GSE1: variants seen among roughly 807,000 people sequenced by gnomAD.
GSE1 encodes the protein Gse1 coiled-coil protein, also known as genetic suppressor element 1.
In GSE1, 32 loss-of-function variants were observed where a neutral mutation model predicts 112.6. The observed-to-expected ratio is 0.28, with a 90% CI of 0.21 to 0.38. The LOEUF (loss-of-function observed/expected upper bound fraction) is 0.38. GSE1 is among the 10% of genes least tolerant of loss of function. GSE1 has a pLI of 1.00. For missense variants in GSE1, 2,348 were observed against 1,699.2 expected, an observed-to-expected ratio of 1.38 and a Z score of -6.71; for synonymous variants, 1,115 against 735.6, an observed-to-expected ratio of 1.52 and a Z score of -8.35.
At chr16:85,190,511 T>C (rs12930125) in intron 1 of GSE1, among the ~76,000 whole-genome samples, 12,297 of 152,354 alleles carry the variant, frequency 0.081, 680 homozygotes, top group Non-Finnish European at 0.12. Context: ...CACTTGTCTT[T>C]GTATTTTTAA....
At chr16:85,382,997 A>G (rs900979488) in intron 2 of GSE1, among the ~76,000 whole-genome samples, 10 of 150,804 alleles carry the variant, frequency 6.6e-5, no homozygotes, top group African/African-American at 2.0e-4. Flanking sequence ...ATGTGCACAT[A>G]CAACACATGC....
upstream of GSE1, among the ~76,000 whole-genome samples, chr16:85,610,910 C>T (rs1213337509): frequency 6.6e-6 from 1 of 152,228 alleles, no homozygotes; most frequent in Non-Finnish European, 1.5e-5. Context: ...AGGGATTGGC[C>T]GGCTCTAAAA....
At chr16:85,490,703 C>G (rs1292612938) in intron 2 of GSE1, 1 of 152,252 alleles carries the variant, frequency 6.6e-6, no homozygotes, top group African/African-American at 2.4e-5. Context: ...GACTCCAGCC[C>G]TGGCTCGGAG....
intron 1 of GSE1, among the ~76,000 whole-genome samples, chr16:85,252,175 C>T (rs1906556965): frequency 7.0e-6 from 1 of 142,768 alleles, no homozygotes; most frequent in South Asian, 2.1e-4. Flanking sequence ...ACATCCGCTG[C>T]CTGGGAATCT....
intron 2 of GSE1, among the ~76,000 whole-genome samples, chr16:85,423,012 C>A (rs2048886322): frequency 6.6e-6 from 1 of 152,218 alleles, no homozygotes; most frequent in Non-Finnish European, 1.5e-5. Flanking sequence ...CCACTACTCC[C>A]AGCCCCTGGT....
intron 2 of GSE1, among the ~76,000 whole-genome samples, chr16:85,639,703 G>C (rs547015200): frequency 8.5e-5 from 13 of 152,360 alleles, no homozygotes; most frequent in Middle Eastern, 3.4e-3. Flanking sequence ...GACAGCTGTC[G>C]GGCCTGCCCA....
intron 1 of GSE1, among the ~76,000 whole-genome samples, chr16:85,319,937 C>T (rs905079148): frequency 6.6e-6 from 1 of 152,216 alleles, no homozygotes; most frequent in Admixed American, 6.5e-5. Flanking sequence ...GGTAAGCTTT[C>T]CCTGGGTCCC....
intron 2 of GSE1, among the ~76,000 whole-genome samples, chr16:85,474,883 T>A (rs1457661982): frequency 1.3e-5 from 2 of 152,052 alleles, no homozygotes; most frequent in Non-Finnish European, 2.9e-5. Flanking sequence ...CCTTATCTTC[T>A]CTAATTTATT....
chr16:85,180,269 C>T (rs1425389626), intron 1 of GSE1, among the ~76,000 whole-genome samples: 9 of 152,226 alleles, frequency 5.9e-5, no homozygotes, highest in Admixed American at 3.9e-4. Flanking sequence ...AGCCAGGGCC[C>T]GGGGCAGGTG....
intron 11 of GSE1, 26 bp downstream of exon 11, chr16:85,663,640 TG>T: frequency 6.3e-7 from 1 of 1,594,808 alleles, no homozygotes; most frequent in Non-Finnish European, 8.5e-7. Flanking sequence ...GGTAGGAAGG[TG>T]GGGGCTCACT....
intron 1 of GSE1, among the ~76,000 whole-genome samples, chr16:85,223,430 G>A (rs1456956930): frequency 6.6e-6 from 1 of 151,268 alleles, no homozygotes; most frequent in Non-Finnish European, 1.5e-5. Flanking sequence ...GGCTGAGACA[G>A]GAGAATAGCT....
At chr16:85,266,771 G>A (rs1157980318) in intron 1 of GSE1, among the ~76,000 whole-genome samples, 1 of 152,170 alleles carries the variant, frequency 6.6e-6, no homozygotes, top group African/African-American at 2.4e-5. Context: ...CAGAGACAGG[G>A]CTCTAGTGGA....
At chr16:85,622,302 A>G (rs2048791071) in intron 1 of GSE1, among the ~76,000 whole-genome samples, 1 of 152,322 alleles carries the variant, frequency 6.6e-6, no homozygotes, top group African/African-American at 2.4e-5. Context: ...GTCTGGGCAC[A>G]GCACTTGGGG....
intron 1 of GSE1, among the ~76,000 whole-genome samples, chr16:85,255,682 C>T (rs893803576): frequency 9.9e-5 from 15 of 152,096 alleles, no homozygotes; most frequent in East Asian, 1.9e-4. Context: ...GGATTACAGG[C>T]GTGAGCCACC....
chr16:85,407,094 A>T (rs866097467), intron 2 of GSE1, among the ~76,000 whole-genome samples: 5 of 970 alleles, frequency 5.2e-3, no homozygotes, highest in Admixed American at 8.5e-3. Flanking sequence ...TCACTGTTAC[A>T]CTCAGGGCCC....
intron 1 of GSE1, among the ~76,000 whole-genome samples, chr16:85,230,039 T>G (rs1251090153): frequency 2.0e-5 from 3 of 152,196 alleles, no homozygotes; most frequent in African/African-American, 7.2e-5. Flanking sequence ...TCAGGCTCTG[T>G]GGGGGGCAGG....
chr16:85,387,503 C>A (rs2047714306), intron 2 of GSE1, among the ~76,000 whole-genome samples: 2 of 152,266 alleles, frequency 1.3e-5, no homozygotes, highest in Admixed American at 6.5e-5. Flanking sequence ...TCTTCCCAGC[C>A]TTCAGGCCTC....
chr16:85,337,940 A>C (rs1008326984), intron 1 of GSE1, among the ~76,000 whole-genome samples: 3 of 152,230 alleles, frequency 2.0e-5, no homozygotes, highest in African/African-American at 2.4e-5. Flanking sequence ...GTTGGAGACT[A>C]TGGAGCAGGT....
intron 2 of GSE1, among the ~76,000 whole-genome samples, chr16:85,377,227 T>C (rs2047441100): frequency 6.6e-6 from 1 of 152,164 alleles, no homozygotes; most frequent in African/African-American, 2.4e-5. Flanking sequence ...CTCTCTGTGC[T>C]TCTCTCTGGG....
Sources: allele counts gnomAD v4.1 joint callset (sites outside exome capture counted in the v4.1 genomes callset), GRCh38; gene constraint gnomAD v4.1.1; transcripts MANE v1.5; gene names NCBI Gene and HGNC (gene_info 2026-07-23, HGNC 2026-07-21).